Variants in DYRK3 observed in about 807,000 individuals in gnomAD.
DYRK3 encodes the protein dual specificity tyrosine phosphorylation regulated kinase 3.
DYRK3 carries 30 observed loss-of-function variants against 40.8 expected under a neutral mutation model. The ratio of observed to expected loss-of-function variants is 0.74; its 90% CI spans 0.55 to 1.00. DYRK3 has a LOEUF of 1.00. Ranked by LOEUF, DYRK3 falls within the 50% of genes least tolerant of loss-of-function variation. DYRK3 has a pLI of 0.00. For synonymous variants in DYRK3, 272 were observed against 260.7 expected, an observed-to-expected ratio of 1.04 and a Z score of -0.42; for missense variants, 699 against 731.5, an observed-to-expected ratio of 0.96 and a Z score of 0.51.
At chr1:206,638,874 CTTTTTT>C (rs782152819) in intron 2 of DYRK3, among the ~76,000 whole-genome samples, 1 of 130,576 alleles carries the variant, frequency 7.7e-6, no homozygotes. Flanking sequence ...AACCTTTTTC[CTTTTTT>C]TTTTTTTTTT....
rs1339261392 is a variant in DYRK3 at position 206,650,999 on chromosome 1, A to G, written c.*2034A>G. On this transcript the variant is annotated 3_prime_UTR_variant, in exon 3 of 3. Transcript: ENST00000367109. Reference sequence around the variant, plus strand: ...GGTTTACAGAAGGCAATAAATATACAACTCCTTTAGATCCCTCTAACTCCT... The same window carrying G: ...GGTTTACAGAAGGCAATAAATATACGACTCCTTTAGATCCCTCTAACTCCT... Among the ~76,000 whole-genome samples the G allele has an allele frequency of 2.0e-5, 3 of 152,222 alleles. No individual in the cohort carries two copies. The highest frequency in any genetic ancestry group is 2.9e-5 in the Non-Finnish European group (2 of 68,040).
chr1:206,641,117 G>T (rs1671277349), intron 2 of DYRK3, among the ~76,000 whole-genome samples: 1 of 151,840 alleles, frequency 6.6e-6, no homozygotes, highest in Admixed American at 6.6e-5. Context: ...GGAACAGGTG[G>T]TGTTTGGGTT....
At chr1:206,641,610 G>A (rs1435241227) in intron 2 of DYRK3, among the ~76,000 whole-genome samples, 1 of 150,374 alleles carries the variant, frequency 6.7e-6, no homozygotes, top group Admixed American at 6.6e-5. Context: ...GACTTGATAT[G>A]TAATTGATTC....
rs1671621454 is a variant in DYRK3 at position 206,651,138 on chromosome 1, T to C, written c.*2173T>C. Reference sequence around the variant, plus strand: ...GGTTTTCTTGTCTGATAGTGGCATCTTGATCTCTTCAGATGTCACACTAAA... The same window carrying C: ...GGTTTTCTTGTCTGATAGTGGCATCCTGATCTCTTCAGATGTCACACTAAA... On this transcript the variant is annotated 3_prime_UTR_variant, in exon 3 of 3. Transcript: ENST00000367109. Among the ~76,000 whole-genome samples, 1 of 152,230 alleles carries C rather than the reference T, an allele frequency of 6.6e-6. No individual in the cohort carries two copies. Among genetic ancestry groups the C allele is most frequent in the Admixed American group, 6.5e-5 (1 of 15,276 alleles).
intron 2 of DYRK3, among the ~76,000 whole-genome samples, chr1:206,638,109 G>A (rs1338816015): frequency 6.6e-6 from 1 of 152,088 alleles, no homozygotes; most frequent in Non-Finnish European, 1.5e-5. Flanking sequence ...CAGAAAACAT[G>A]TCAGAATTCA....
Position 206,647,887 on chromosome 1 carries a change from A to C in DYRK3, c.689A>C (p.Lys230Thr). Residue 230 changes from lysine (K) to threonine (T), a missense_variant, in exon 3 of 3, where the codon AAA becomes ACA. Transcript: ENST00000367109. ...FGQVARVYDH[K>T]LRQYVALKMV... ...CAGGTGGCCAGGGTCTATGATCACA[A>C]ACTTCGACAGTACGTGGCCCTAAAA... 1 of 1,614,110 alleles carries C rather than the reference A, an allele frequency of 6.2e-7. No homozygotes were observed. The highest frequency in any genetic ancestry group is 8.5e-7 in the Non-Finnish European group (1 of 1,180,020).
At position 206,649,899 on chromosome 1, in the gene DYRK3, C is replaced by G. The variant is rs782271599; in HGVS notation, c.*934C>G. 6.6e-6 allele frequency among the ~76,000 whole-genome samples: 1 copy of G among 152,200 alleles called. No homozygotes were observed. Among genetic ancestry groups the G allele is most frequent in the Non-Finnish European group, 1.5e-5 (1 of 68,022 alleles). On this transcript the variant is annotated 3_prime_UTR_variant, in exon 3 of 3. Transcript: ENST00000367109. ...CAGTTTAAAAATGCTTCCCTCTTCT[C>G]TTTACAGCTACCTGCCACTTCAATG...
chr1:206,648,266 T>C lies in DYRK3; in HGVS notation c.1068T>C (p.Phe356=). The C allele has an allele frequency of 6.2e-7, 1 of 1,614,144 alleles. No homozygotes were observed. The highest frequency in any genetic ancestry group is 8.5e-7 in the Non-Finnish European group (1 of 1,180,036). The change falls in exon 3 of 3, where the codon TTT becomes TTC. Residue 356 remains phenylalanine (F), a synonymous_variant. Transcript: ENST00000367109. The part of the protein sequence containing the change: ...HGRSSTKVID[F]GSSCFEYQKL... The stretch of plus-strand genomic sequence containing the variant: ...GCAGTTCAACCAAGGTCATTGACTT[T>C]GGGTCCAGCTGTTTCGAGTACCAGA...
intron 2 of DYRK3, among the ~76,000 whole-genome samples, chr1:206,641,373 G>A (rs1202851133): frequency 7.1e-6 from 1 of 140,628 alleles, no homozygotes; most frequent in Non-Finnish European, 1.5e-5. Flanking sequence ...TAGAATAATG[G>A]TCTCCAATTC....
chr1:206,636,115 G>T, intron 1 of DYRK3: 1 of 1,345,710 alleles, frequency 7.4e-7, no homozygotes, highest in Non-Finnish European at 1.0e-6. Context: ...TAAAGGGGGG[G>T]AGCCCGGGAG....
In DYRK3 at chr1:206,653,979, A is replaced by G. The variant is rs1671694078; in HGVS notation, c.*5014A>G. ...AAAAAATAAAAATTTCTACTGTGAAACTATTTCAATCTGTAGCAGCTGGTC... is the reference window on the plus strand; with the variant it reads ...AAAAAATAAAAATTTCTACTGTGAAGCTATTTCAATCTGTAGCAGCTGGTC... On this transcript the variant is annotated 3_prime_UTR_variant, in exon 3 of 3. Coordinates refer to ENST00000367109, the MANE Select transcript of DYRK3 (RefSeq NM_003582.4). Among the ~76,000 whole-genome samples the G allele has an allele frequency of 6.6e-6, 1 of 152,258 alleles. No homozygotes were observed. The highest frequency in any genetic ancestry group is 2.4e-5 in the African/African-American group (1 of 41,462).
rs1671720575 is a variant in DYRK3 at position 206,655,102 on chromosome 1, C to G, written c.*6137C>G. 6.6e-6 allele frequency among the ~76,000 whole-genome samples: 1 copy of G among 152,160 alleles called. No homozygotes were observed. The highest frequency in any genetic ancestry group is 1.5e-5 in the Non-Finnish European group (1 of 68,032). On this transcript the variant is annotated 3_prime_UTR_variant, in exon 3 of 3. Coordinates refer to ENST00000367109, the MANE Select transcript of DYRK3 (RefSeq NM_003582.4). ...AAAGTGCAGTTTGGCATGGATGAGT[C>G]AGTGGTTTTTTATTTTGGGGTGTTT... is the stretch of plus-strand genomic sequence containing the variant.
At chr1:206,645,042 T>G (rs964368095) in intron 2 of DYRK3, among the ~76,000 whole-genome samples, 6 of 152,230 alleles carry the variant, frequency 3.9e-5, no homozygotes, top group African/African-American at 1.4e-4. Context: ...AAGTGTTCTA[T>G]AAATATTTAA....
At position 206,647,746 on chromosome 1, in the gene DYRK3, G is replaced by A; in HGVS notation, c.548G>A (p.Gly183Asp). 1 of 1,614,078 alleles carries A rather than the reference G, an allele frequency of 6.2e-7. No homozygotes were observed. The highest frequency in any genetic ancestry group is 1.1e-5 in the South Asian group (1 of 91,078). The change falls in exon 3 of 3, where the codon GGT becomes GAT. Residue 183 changes from glycine (G) to aspartate (D), a missense_variant. Gly to Asp is a moderately conservative substitution (Grantham distance 94). Coordinates refer to ENST00000367109, the MANE Select transcript of DYRK3 (RefSeq NM_003582.4). ...GCCAAGAAAAGACATGGAGTTATTGGTGGTCCCAATAATGGAGGGTATGAT... is the reference window on the plus strand; with the variant it reads ...GCCAAGAAAAGACATGGAGTTATTGATGGTCCCAATAATGGAGGGTATGAT... ...PNAKKRHGVI[G>D]GPNNGGYDDA...
At chr1:206,644,697 G>A (rs1373470563) in intron 2 of DYRK3, among the ~76,000 whole-genome samples, 2 of 152,040 alleles carry the variant, frequency 1.3e-5, no homozygotes, top group African/African-American at 4.8e-5. Context: ...GCGCCACTAC[G>A]CCTGGCTAAT....
chr1:206,636,129 T>G, intron 1 of DYRK3: 9 of 1,241,808 alleles, frequency 7.2e-6, no homozygotes, highest in Non-Finnish European at 8.8e-6. Context: ...CCGGGAGCAA[T>G]ACCTTGGAAA....
chr1:206,644,031 CTTT>C lies in DYRK3; in HGVS notation c.190-3338_190-3336del, dbSNP rs556718022. 4.0e-5 allele frequency among the ~76,000 whole-genome samples: 4 copies of C among 101,054 alleles called. 1 individual carries two copies. Among genetic ancestry groups the C allele is most frequent in the South Asian group, 8.1e-4 (2 of 2,480 alleles). 66.3% of individuals were successfully genotyped at this position (101,054 alleles called of 152,430 possible). A position where few individuals can be genotyped will look rare whatever the true frequency, so the allele number is the denominator to read the frequency against. On this transcript the variant is annotated intron_variant, in intron 2 of 2. Coordinates refer to ENST00000367109, the MANE Select transcript of DYRK3 (RefSeq NM_003582.4). ...TCAGGAAGGCAACAGGGACCTACAGCTTTTTTTTTTTTTTTTTTTTTGAGAAGT... is the reference window on the plus strand; with the variant it reads ...TCAGGAAGGCAACAGGGACCTACAGCTTTTTTTTTTTTTTTTTTGAGAAGT...
At chr1:206,638,612 C>T (rs1388311413) in intron 2 of DYRK3, among the ~76,000 whole-genome samples, 5 of 149,722 alleles carry the variant, frequency 3.3e-5, no homozygotes, top group African/African-American at 1.2e-4. Context: ...AATTAATTTG[C>T]ATTCCTTCAG....
intron 1 of DYRK3, 75 bp downstream of exon 1, chr1:206,635,855 G>A: frequency 1.8e-5 from 22 of 1,240,846 alleles, no homozygotes; most frequent in Non-Finnish European, 2.2e-5. Flanking sequence ...GCTTGGGGGT[G>A]GGGAGGAGGT....
Sources: allele counts gnomAD v4.1 joint callset (sites outside exome capture counted in the v4.1 genomes callset), GRCh38; gene constraint gnomAD v4.1.1; transcripts MANE v1.5; gene names NCBI Gene and HGNC (gene_info 2026-07-23, HGNC 2026-07-21).